Variants in UTRN observed in about 807,000 individuals in gnomAD.
The protein encoded by UTRN is utrophin, also known as dystrophin-related protein 1.
UTRN carries 283 observed loss-of-function variants against 463.9 expected under a neutral mutation model. The observed-to-expected ratio is 0.61, with a 90% CI of 0.55 to 0.67. UTRN has a LOEUF of 0.67. Among genes scored for constraint, UTRN ranks in the 30% least tolerant of loss-of-function variants. UTRN has a pLI of 0.00. For synonymous variants in UTRN, 1,442 were observed against 1,431.5 expected (o/e 1.01, Z -0.17); for missense variants, 3,922 against 4,084.3 (o/e 0.96, Z 1.08).
chr6:144,480,073 C>T lies in UTRN; in HGVS notation c.3507+91C>T, dbSNP rs1253803498. 2.1e-6 allele frequency: 3 copies of T among 1,426,590 alleles called. No individual in the cohort carries two copies. In the East Asian group the frequency reaches 7.1e-5, roughly 34 times the overall value. 88.4% of individuals were successfully genotyped at this position (1,426,590 alleles called of 1,614,324 possible). On this transcript the variant is annotated intron_variant, in intron 26 of 74. Coordinates refer to ENST00000367545, the MANE Select transcript of UTRN (RefSeq NM_007124.3). ...CAATCATCTGTCTATCTGTCAAACACTATGTGCATGTAGCATCTTTCACAG... is the reference window on the plus strand; with the variant it reads ...CAATCATCTGTCTATCTGTCAAACATTATGTGCATGTAGCATCTTTCACAG...
intron 2 of UTRN, among the ~76,000 whole-genome samples, chr6:144,400,217 T>C (rs1782817344): frequency 6.6e-6 from 1 of 152,246 alleles, no homozygotes; most frequent in African/African-American, 2.4e-5. Flanking sequence ...GTGTAAATTA[T>C]ATTCATTCAC....
chr6:144,631,988 C>G (rs574855203), intron 51 of UTRN, among the ~76,000 whole-genome samples: 1 of 152,100 alleles, frequency 6.6e-6, no homozygotes, highest in Non-Finnish European at 1.5e-5. Context: ...TTTCAGATAC[C>G]TTGGCTTGTA....
At chr6:144,701,346 A>G (rs888137919) in intron 53 of UTRN, among the ~76,000 whole-genome samples, 2 of 151,894 alleles carry the variant, frequency 1.3e-5, no homozygotes, top group Admixed American at 6.6e-5. Context: ...AATGCAGATG[A>G]AGACCATACT....
At chr6:144,714,123 A>G (rs1450218198) in intron 53 of UTRN, among the ~76,000 whole-genome samples, 1 of 152,156 alleles carries the variant, frequency 6.6e-6, no homozygotes, top group Non-Finnish European at 1.5e-5. Flanking sequence ...GGCACTATGT[A>G]GGAGATTTTT....
At chr6:144,404,859 C>T (rs557684781) in intron 3 of UTRN, among the ~76,000 whole-genome samples, 6 of 152,094 alleles carry the variant, frequency 3.9e-5, no homozygotes, top group African/African-American at 9.6e-5. Flanking sequence ...TTTAAAAAGA[C>T]CTCAAAGAAA....
intron 51 of UTRN, among the ~76,000 whole-genome samples, chr6:144,636,320 T>C (rs1777169508): frequency 6.6e-6 from 1 of 151,590 alleles, no homozygotes; most frequent in African/African-American, 2.4e-5. Context: ...ATGTTCTCAC[T>C]CATAAGTGGG....
In UTRN at chr6:144,437,442, G is replaced by A. The variant is rs951418099; in HGVS notation, c.1060-123G>A. Reference sequence around the variant, plus strand: ...TGTGGTCAATGTCTATTTTATTTGCGCTCTACTAGGCTACCTTTTTCTGCA... The same window carrying A: ...TGTGGTCAATGTCTATTTTATTTGCACTCTACTAGGCTACCTTTTTCTGCA... On this transcript the variant is annotated intron_variant, in intron 10 of 74. Transcript: ENST00000367545. 2.6e-5 allele frequency: 22 copies of A among 857,472 alleles called. No individual in the cohort carries two copies. The African/African-American group carries it at 3.2e-4, about 12-fold the overall frequency. The allele number at this position is 857,472 out of a possible 1,614,324, so 53.1% of individuals were successfully genotyped here.
intron 52 of UTRN, among the ~76,000 whole-genome samples, chr6:144,685,553 CG>C (rs1782665055): frequency 6.6e-6 from 1 of 152,068 alleles, no homozygotes. Context: ...TAATAATGGC[CG>C]TTCTGGTCAG....
intron 73 of UTRN, among the ~76,000 whole-genome samples, chr6:144,842,124 A>G (rs1781636008): frequency 6.8e-6 from 1 of 146,126 alleles, no homozygotes; most frequent in African/African-American, 2.5e-5. Flanking sequence ...AAAAAAAAAA[A>G]AAAAAAAAAA....
At chr6:144,315,627 G>A (rs1403877384) in intron 2 of UTRN, among the ~76,000 whole-genome samples, 2 of 152,234 alleles carry the variant, frequency 1.3e-5, no homozygotes, top group Non-Finnish European at 2.9e-5. Context: ...ACTCTGGAGA[G>A]ACACAGTCTG....
intron 31 of UTRN, among the ~76,000 whole-genome samples, chr6:144,490,571 G>T (rs1045103857): frequency 2.6e-5 from 4 of 152,204 alleles, no homozygotes; most frequent in Non-Finnish European, 5.9e-5. Context: ...ATATGACATT[G>T]ACTTTCACTC....
chr6:144,418,067 T>C (rs1437252935), intron 3 of UTRN, among the ~76,000 whole-genome samples: 1 of 152,158 alleles, frequency 6.6e-6, no homozygotes, highest in Non-Finnish European at 1.5e-5. Flanking sequence ...AATGAACATC[T>C]GTCATCTTAG....
At chr6:144,367,845 G>C (rs1189866637) in intron 2 of UTRN, among the ~76,000 whole-genome samples, 2 of 152,058 alleles carry the variant, frequency 1.3e-5, no homozygotes, top group African/African-American at 2.4e-5. Context: ...GCAGTAGTGC[G>C]ATCTCGGCTC....
rs978345437 is a variant in UTRN, at chr6:144,459,107, C to G, written c.2527-67C>G. ...ATCATGAACTTTAAGTTAATGCTGC[C>G]CTGATTAACTTCCTGTGAGGATGTT... On this transcript the variant is annotated intron_variant, in intron 20 of 74. Transcript: ENST00000367545. 7 of 1,576,416 alleles carry G rather than the reference C, an allele frequency of 4.4e-6. 1 individual carries two copies. In the Admixed American group the frequency reaches 1.1e-4, roughly 24 times the overall value.
chr6:144,477,304 C>A (rs1027898474), intron 25 of UTRN, among the ~76,000 whole-genome samples: 3 of 151,996 alleles, frequency 2.0e-5, no homozygotes, highest in Non-Finnish European at 4.4e-5. Flanking sequence ...GTAAATAGTA[C>A]GTATTTCTTA....
At chr6:144,336,245 T>C (rs1033782905) in intron 2 of UTRN, among the ~76,000 whole-genome samples, 1 of 152,012 alleles carries the variant, frequency 6.6e-6, no homozygotes, top group Non-Finnish European at 1.5e-5. Context: ...AGGGTGATCC[T>C]GATATGGTGG....
chr6:144,358,742 T>C (rs893592154), intron 2 of UTRN, among the ~76,000 whole-genome samples: 1 of 152,186 alleles, frequency 6.6e-6, no homozygotes. Context: ...AGAAGAAGAT[T>C]CCAGTATTCT....
rs556426385 is a variant in UTRN, at chr6:144,838,881, A to G, written c.10066-292A>G. 7.9e-5 allele frequency among the ~76,000 whole-genome samples: 12 copies of G among 152,330 alleles called. No homozygotes were observed. The South Asian group carries it at 2.5e-3, about 32-fold the overall frequency. Reference sequence around the variant, plus strand: ...CTGATGTTTAAAATATGAGTGAACTATGCTTATGAATTCACTTAACATTAA... The same window carrying G: ...CTGATGTTTAAAATATGAGTGAACTGTGCTTATGAATTCACTTAACATTAA... On this transcript the variant is annotated intron_variant, in intron 71 of 74. Transcript: ENST00000367545.
At chr6:144,674,214 C>T (rs923584117) in intron 51 of UTRN, among the ~76,000 whole-genome samples, 5 of 121,646 alleles carry the variant, frequency 4.1e-5, no homozygotes, top group African/African-American at 1.2e-4. Flanking sequence ...TGGAAGTTTT[C>T]ATTGATTTTT....
Sources: allele counts gnomAD v4.1 joint callset (sites outside exome capture counted in the v4.1 genomes callset), GRCh38; gene constraint gnomAD v4.1.1; transcripts MANE v1.5; gene names NCBI Gene and HGNC (gene_info 2026-07-23, HGNC 2026-07-21).